Variants in TTC21B observed in about 807,000 individuals in gnomAD.
The protein encoded by TTC21B is tetratricopeptide repeat domain 21B.
TTC21B carries 127 observed loss-of-function variants against 175.1 expected under a neutral mutation model. The observed-to-expected ratio is 0.73, with a 90% CI of 0.63 to 0.84. TTC21B has a LOEUF of 0.84. TTC21B is among the 40% of genes least tolerant of loss of function. The probability of loss-of-function intolerance (pLI) is 0.00; values close to 1 mark genes in which losing one functional copy is unlikely to be tolerated. For missense variants in TTC21B, 1,561 were observed against 1,558.3 expected (o/e 1.00, Z -0.03); for synonymous variants, 524 against 524.5 (o/e 1.00, Z 0.01).
In TTC21B at chr2:165,890,512, C is replaced by T. The variant is rs765164063; in HGVS notation, c.3230G>A (p.Gly1077Asp). 3 of 1,613,582 alleles carry T rather than the reference C, an allele frequency of 1.9e-6. No homozygotes were observed. The highest frequency in any genetic ancestry group is 1.7e-6 in the Non-Finnish European group (2 of 1,179,680). The change falls in exon 24 of 29, where the codon GGT becomes GAT. Residue 1077 changes from glycine to aspartate, a missense_variant. Gly to Asp is a moderately conservative substitution (Grantham distance 94). Transcript: ENST00000243344. ...CLNPDNETVG[G>D]EVFENLDGDL... is the part of the protein sequence containing the mutation. ...TCCATCCAGGTTTTCAAATACTTCA[C>T]CTCCAACAGTTTCATTATCTGGATT...
chr2:165,881,161 A>C (rs756425927), intron 26 of TTC21B, among the ~76,000 whole-genome samples: 15 of 152,152 alleles, frequency 9.9e-5, no homozygotes, highest in Non-Finnish European at 1.9e-4. Context: ...TTTTTTGACT[A>C]ATACTGTTTC....
At chr2:165,901,021 C>A (rs999777023) in intron 20 of TTC21B, among the ~76,000 whole-genome samples, 2 of 151,684 alleles carry the variant, frequency 1.3e-5, no homozygotes, top group East Asian at 3.9e-4. Flanking sequence ...CCTGCCTCAG[C>A]ACCCCAAGGA....
chr2:165,885,140 A>G (rs74760078), intron 25 of TTC21B, among the ~76,000 whole-genome samples: 1,870 of 152,316 alleles, frequency 0.012, 110 homozygotes, highest in Admixed American at 0.098. Flanking sequence ...ACAGAATGAG[A>G]CACTGTCTCA....
At chr2:165,904,153 A>G (rs1685652738) in intron 19 of TTC21B, among the ~76,000 whole-genome samples, 2 of 81,794 alleles carry the variant, frequency 2.4e-5, no homozygotes, top group Admixed American at 3.1e-4. Flanking sequence ...AGCTAAATTT[A>G]TTTCTAAAAT....
chr2:165,901,625 C>T lies in TTC21B; in HGVS notation c.2757+97G>A, dbSNP rs995496947. The T allele has an allele frequency of 7.3e-6, 9 of 1,239,224 alleles. No individual in the cohort carries two copies. The African/African-American group carries it at 1.2e-4, about 16-fold the overall frequency. The allele number at this position is 1,239,224 out of a possible 1,614,324, so 76.8% of individuals were successfully genotyped here. A position where few individuals can be genotyped will look rare whatever the true frequency, so the allele number is the denominator to read the frequency against. On this transcript the variant is annotated intron_variant, in intron 20 of 28. Coordinates refer to ENST00000243344, the MANE Select transcript of TTC21B (RefSeq NM_024753.5). The stretch of plus-strand genomic sequence containing the variant: ...GGCATCAGCCACTGCACCCTGCCTA[C>T]ATCTTCTTTTAAAATAAGCTGGTAA...
intron 15 of TTC21B, among the ~76,000 whole-genome samples, chr2:165,914,598 T>C (rs575440062): frequency 1.9e-4 from 29 of 151,086 alleles, no homozygotes; most frequent in South Asian, 1.0e-3. Flanking sequence ...AATTTTCTCT[T>C]ACATAGAGTG....
intron 27 of TTC21B, among the ~76,000 whole-genome samples, chr2:165,878,824 G>A (rs1475648524): frequency 6.6e-6 from 1 of 151,894 alleles, no homozygotes. Flanking sequence ...TGGGATTACA[G>A]GCGCCCGCCA....
chr2:165,925,802 T>C (rs896555985), intron 11 of TTC21B, among the ~76,000 whole-genome samples: 7 of 152,174 alleles, frequency 4.6e-5, no homozygotes, highest in Admixed American at 3.9e-4. Flanking sequence ...ATAAGATTTT[T>C]ATGCTTCTTT....
intron 25 of TTC21B, among the ~76,000 whole-genome samples, chr2:165,886,396 C>T (rs536856887): frequency 1.4e-4 from 22 of 152,176 alleles, no homozygotes; most frequent in African/African-American, 5.1e-4. Context: ...ACTTGAAAAA[C>T]GGGACCATAC....
At chr2:165,934,151 T>C (rs1180151439) in intron 6 of TTC21B, 1 of 152,186 alleles carries the variant, frequency 6.6e-6, no homozygotes, top group African/African-American at 2.4e-5. Flanking sequence ...CTGCCTGATA[T>C]AATAATGGTC....
rs1684566125 is a variant in TTC21B, at chr2:165,873,390, G to A, written c.*1365C>T. ...CTTATAAATACTGTTTATTGTAAAT[G>A]CAAATAAAATTGAGGACTGTGTTTA... is the stretch of plus-strand genomic sequence containing the variant. On this transcript the variant is annotated 3_prime_UTR_variant, in exon 29 of 29. Transcript: ENST00000243344. 1 of 152,124 alleles carries A rather than the reference G, an allele frequency of 6.6e-6. No homozygotes were observed. Among genetic ancestry groups the A allele is most frequent in the African/African-American group, 2.4e-5 (1 of 41,418 alleles). 9.4% of individuals were successfully genotyped at this position (152,124 alleles called of 1,614,324 possible). A position where few individuals can be genotyped will look rare whatever the true frequency, so the allele number is the denominator to read the frequency against.
chr2:165,901,615 A>C, intron 20 of TTC21B, 107 bp downstream of exon 20: 1 of 1,116,118 alleles, frequency 9.0e-7, no homozygotes, highest in Non-Finnish European at 1.4e-6. Context: ...CAGCCACTGC[A>C]CCCTGCCTAC....
At chr2:165,929,621 C>T in intron 10 of TTC21B, 29 bp downstream of exon 10, 1 of 1,455,388 alleles carries the variant, frequency 6.9e-7, no homozygotes, top group Non-Finnish European at 9.6e-7. Flanking sequence ...CAGCTAGCAT[C>T]TACCAGCTGA....
intron 1 of TTC21B, chr2:165,949,939 T>C: frequency 2.2e-6 from 1 of 444,740 alleles, no homozygotes; most frequent in East Asian, 3.9e-5. Flanking sequence ...TTCAATGTTT[T>C]CTAATAATTT....
intron 22 of TTC21B, among the ~76,000 whole-genome samples, chr2:165,896,716 A>G (rs960409099): frequency 6.6e-6 from 1 of 152,156 alleles, no homozygotes; most frequent in Admixed American, 6.5e-5. Flanking sequence ...GCAAACAAAA[A>G]GGCTCAAGGC....
chr2:165,948,339 A>G (rs1316746263), intron 3 of TTC21B: 2 of 152,214 alleles, frequency 1.3e-5, no homozygotes, highest in Non-Finnish European at 2.9e-5. Flanking sequence ...TCTCCACTAG[A>G]TTACCAACTT....
At position 165,901,726 on chromosome 2, in the gene TTC21B, T is replaced by C. The variant is rs1685564896; in HGVS notation, c.2753A>G (p.Asn918Ser). ...AAATTTTATAAAGGTACTGACCTTA[T>C]TATCTGTTTCGCAGTGAACCAGAGC... ...REALVHCETD[N>S]KIMLELARLY... is the part of the protein sequence containing the mutation. Residue 918 changes from asparagine (N) to serine (S), a missense_variant, in exon 20 of 29, where the codon AAT (asparagine) becomes AGT (serine). Physicochemically the swap from Asn to Ser is conservative, Grantham distance 46. Coordinates refer to ENST00000243344, the MANE Select transcript of TTC21B (RefSeq NM_024753.5). The C allele has an allele frequency of 6.2e-7, 1 of 1,613,634 alleles. No individual in the cohort carries two copies. Among genetic ancestry groups the C allele is most frequent in the Non-Finnish European group, 8.5e-7 (1 of 1,179,518 alleles).
chr2:165,883,731 T>C (rs1179129290), intron 26 of TTC21B, 63 bp downstream of exon 26: 8 of 1,292,684 alleles, frequency 6.2e-6, no homozygotes, highest in East Asian at 2.3e-5. Flanking sequence ...CACTCAACAA[T>C]ATCTATATGG....
intron 18 of TTC21B, 135 bp from the exon 19 acceptor site, chr2:165,907,919 CA>C: frequency 1.6e-6 from 1 of 610,642 alleles, no homozygotes. Context: ...TTTTCTCAAT[CA>C]GTTGCCTGAA....
Sources: allele counts gnomAD v4.1 joint callset (sites outside exome capture counted in the v4.1 genomes callset), GRCh38; gene constraint gnomAD v4.1.1; transcripts MANE v1.5; gene names NCBI Gene and HGNC (gene_info 2026-07-23, HGNC 2026-07-21).